Variants in AKT3 observed in about 807,000 individuals in gnomAD.
AKT3 encodes the protein RAC-gamma serine/threonine-protein kinase.
In AKT3, 15 loss-of-function variants were observed where a neutral mutation model predicts 65.3. That is an observed-to-expected ratio of 0.23 (90% confidence interval 0.15 to 0.35). The LOEUF is 0.35. Among genes scored for constraint, AKT3 ranks in the 10% least tolerant of loss-of-function variants. AKT3 has a pLI of 1.00. For synonymous variants in AKT3, 206 were observed against 183.8 expected (o/e 1.12, Z -0.98); for missense variants, 243 against 576.5 (o/e 0.42, Z 5.92).
Position 243,808,903 on chromosome 1 carries a change from A to C in AKT3, c.46+34222T>G, listed in dbSNP as rs1266050771. On this transcript the variant is annotated intron_variant, in intron 2 of 13. Transcript: ENST00000673466. The stretch of plus-strand genomic sequence containing the variant: ...AACATACTTAAAGAAAAGAATTTTC[A>C]ATCCAGAATTTCACATCCAGCCAAA... Among the ~76,000 whole-genome samples, 2 of 152,226 alleles carry C rather than the reference A, an allele frequency of 1.3e-5. 1 individual carries two copies. The highest frequency in any genetic ancestry group is 4.8e-5 in the African/African-American group (2 of 41,466).
chr1:243,742,800 C>T (rs1346614306), intron 2 of AKT3, among the ~76,000 whole-genome samples: 1 of 151,772 alleles, frequency 6.6e-6, no homozygotes, highest in African/African-American at 2.4e-5. Context: ...AAAAGCAGCA[C>T]TCTCCTCACA....
chr1:243,516,925 A>G (rs1670396992), intron 12 of AKT3, among the ~76,000 whole-genome samples: 2 of 152,130 alleles, frequency 1.3e-5, no homozygotes, highest in Admixed American at 1.3e-4. Context: ...CATTAATTTT[A>G]CACTTTTCTT....
rs139935156 is a variant in AKT3, at chr1:243,588,489, A to G, written c.697-15441T>C. Among the ~76,000 whole-genome samples, 230 of 152,356 alleles carry G rather than the reference A, an allele frequency of 1.5e-3. 1 individual carries two copies. Among genetic ancestry groups the G allele is most frequent in the African/African-American group, 5.3e-3 (222 of 41,592 alleles). On this transcript the variant is annotated intron_variant, in intron 8 of 13. Coordinates refer to ENST00000673466, the MANE Select transcript of AKT3 (RefSeq NM_005465.7). ...GTAAATACTGCCTTCCAGAATAAAA[A>G]CTAACACTCTGACAGAAGAAAACAA...
chr1:243,612,106 T>C (rs1473147804), intron 8 of AKT3, among the ~76,000 whole-genome samples: 1 of 152,044 alleles, frequency 6.6e-6, no homozygotes, highest in Non-Finnish European at 1.5e-5. Context: ...GTTTTGGGTT[T>C]TGATTTTTTT....
At chr1:243,643,638 G>A (rs960801306) in intron 5 of AKT3, among the ~76,000 whole-genome samples, 1 of 152,126 alleles carries the variant, frequency 6.6e-6, no homozygotes, top group African/African-American at 2.4e-5. Flanking sequence ...TTTTTAACTG[G>A]CAGAGCAGAC....
intron 2 of AKT3, among the ~76,000 whole-genome samples, chr1:243,703,760 CAAAAAAAAAAA>C (rs370671685): frequency 2.6e-5 from 2 of 78,406 alleles, no homozygotes; most frequent in Admixed American, 1.5e-4. Context: ...GACTCCATCT[CAAAAAAAAAAA>C]AAAAAAAGAA....
At chr1:243,822,467 CA>C (rs201535118) in intron 2 of AKT3, among the ~76,000 whole-genome samples, 22 of 141,532 alleles carry the variant, frequency 1.6e-4, no homozygotes, top group African/African-American at 2.5e-4. Context: ...AAAAACCCTT[CA>C]AAAAAAAAAA....
intron 2 of AKT3, among the ~76,000 whole-genome samples, chr1:243,755,360 C>T (rs1341043491): frequency 6.6e-6 from 1 of 151,730 alleles, no homozygotes; most frequent in Non-Finnish European, 1.5e-5. Context: ...AGGCATAAGT[C>T]GCCGTGCCCG....
In AKT3 at chr1:243,807,966, G is replaced by A. The variant is rs551527497; in HGVS notation, c.46+35159C>T. Among the ~76,000 whole-genome samples the A allele has an allele frequency of 2.0e-5, 3 of 152,336 alleles. No homozygotes were observed. In the East Asian group the frequency reaches 5.8e-4, roughly 29 times the overall value. Reference sequence around the variant, plus strand: ...AGCAAACTCCAACAGACCTGCAGCTGAGGGTCCTGACTGTTAGAAGGAAAA... The same window carrying A: ...AGCAAACTCCAACAGACCTGCAGCTAAGGGTCCTGACTGTTAGAAGGAAAA... On this transcript the variant is annotated intron_variant, in intron 2 of 13. Transcript: ENST00000673466.
chr1:243,836,193 T>C (rs2148461176), intron 2 of AKT3, among the ~76,000 whole-genome samples: 1 of 152,098 alleles, frequency 6.6e-6, no homozygotes. Flanking sequence ...ATAGGACAGT[T>C]GAAAAGATAC....
At chr1:243,671,213 G>A (rs1421568201) in intron 3 of AKT3, among the ~76,000 whole-genome samples, 1 of 151,914 alleles carries the variant, frequency 6.6e-6, no homozygotes, top group African/African-American at 2.4e-5. Context: ...GAGTAGCTGG[G>A]ACTACAGGTG....
intron 2 of AKT3, among the ~76,000 whole-genome samples, chr1:243,823,103 C>T (rs1693959438): frequency 6.6e-6 from 1 of 152,116 alleles, no homozygotes; most frequent in Admixed American, 6.5e-5. Context: ...GCTTCATTCC[C>T]AGGATGCAAT....
chr1:243,614,616 A>G (rs1336769945), intron 7 of AKT3, among the ~76,000 whole-genome samples: 1 of 152,170 alleles, frequency 6.6e-6, no homozygotes, highest in Non-Finnish European at 1.5e-5. Context: ...TATTTCTTAA[A>G]GTACTCTATC....
intron 8 of AKT3, among the ~76,000 whole-genome samples, chr1:243,575,817 A>G (rs184080565): frequency 2.6e-4 from 40 of 152,284 alleles, no homozygotes; most frequent in African/African-American, 7.2e-4. Context: ...CTAGGACAGT[A>G]CCTGCACATA....
At chr1:243,641,824 T>C (rs1680414817) in intron 5 of AKT3, among the ~76,000 whole-genome samples, 1 of 152,082 alleles carries the variant, frequency 6.6e-6, no homozygotes, top group Admixed American at 6.5e-5. Context: ...TAGTCCCAGC[T>C]ACCTGGGAGG....
chr1:243,686,617 T>C (rs1381433887), intron 3 of AKT3, among the ~76,000 whole-genome samples: 2 of 104,832 alleles, frequency 1.9e-5, no homozygotes, highest in Admixed American at 2.5e-4. Context: ...TTTTACAACA[T>C]ACAAATTGTT....
At chr1:243,612,034 A>T (rs1443132955) in intron 8 of AKT3, among the ~76,000 whole-genome samples, 2 of 152,228 alleles carry the variant, frequency 1.3e-5, no homozygotes, top group Non-Finnish European at 2.9e-5. Context: ...ATATCTTAAC[A>T]CATTTTCATA....
intron 2 of AKT3, among the ~76,000 whole-genome samples, chr1:243,755,983 C>T (rs1034972937): frequency 2.6e-5 from 4 of 152,116 alleles, no homozygotes; most frequent in African/African-American, 9.7e-5. Flanking sequence ...GAAGTAGTGG[C>T]CAGCATGATT....
At chr1:243,655,735 T>C (rs1681726696) in intron 4 of AKT3, among the ~76,000 whole-genome samples, 1 of 152,206 alleles carries the variant, frequency 6.6e-6, no homozygotes, top group African/African-American at 2.4e-5. Context: ...TACAGTCCTT[T>C]AAGCTACCAA....
Sources: gnomAD v4.1 joint callset for allele counts (sites outside exome capture counted in the v4.1 genomes callset) on GRCh38, gnomAD v4.1.1 for gene constraint, MANE v1.5 for transcripts, NCBI Gene and HGNC (gene_info 2026-07-23, HGNC 2026-07-21) for gene names.